Variants in RIGI observed in about 807,000 individuals in gnomAD.
RIGI encodes antiviral innate immune response receptor RIG-I.
At chr9:32,467,669 TGGCTCAGTAAAGAGAAA>T in the RIGI span, 1 of 1,301,124 alleles carries the variant, frequency 7.7e-7, no homozygotes, top group East Asian at 2.4e-5. Flanking sequence ...TACTCAACCA[TGGCTCAGTAAAGAGAAA>T]GGCCAGAATG....
chr9:32,472,548 C>T, the RIGI span, among the ~76,000 whole-genome samples: 1 of 152,204 alleles, frequency 6.6e-6, no homozygotes, highest in African/African-American at 2.4e-5. Context: ...TCCAGGTGGG[C>T]CTGGCCTAAT....
the RIGI span, chr9:32,476,934 T>C: frequency 6.8e-7 from 1 of 1,473,290 alleles, no homozygotes; most frequent in South Asian, 1.2e-5. Context: ...ATCTTTTCAA[T>C]GAATAGTGCT....
At chr9:32,517,442 G>C in the RIGI span, among the ~76,000 whole-genome samples, 1 of 152,130 alleles carries the variant, frequency 6.6e-6, no homozygotes, top group South Asian at 2.1e-4. Context: ...TACCAAATTG[G>C]CTTATAAATA....
chr9:32,456,573 TAA>T, the RIGI span: 4 of 154,718 alleles, frequency 2.6e-5, no homozygotes, highest in Non-Finnish European at 5.7e-5. Context: ...GAGGACTCAA[TAA>T]AAAAAGACTA....
At chr9:32,508,258 T>TTTTTTTTTTTTTTTTTTTTA in the RIGI span, among the ~76,000 whole-genome samples, 1 of 137,996 alleles carries the variant, frequency 7.2e-6, no homozygotes, top group African/African-American at 2.9e-5. Flanking sequence ...TTTTTTTTTT[T>TTTTTTTTTTTTTTTTTTTTA]ACTATATGAA....
the RIGI span, among the ~76,000 whole-genome samples, chr9:32,470,874 C>T: frequency 6.6e-6 from 1 of 152,184 alleles, no homozygotes; most frequent in Non-Finnish European, 1.5e-5. Context: ...TCAAGTTTAA[C>T]CCATTCGATA....
At chr9:32,523,275 C>T in the RIGI span, among the ~76,000 whole-genome samples, 4 of 152,028 alleles carry the variant, frequency 2.6e-5, no homozygotes, top group Non-Finnish European at 5.9e-5. Context: ...ACAATTGCAC[C>T]CACTCTCATT....
the RIGI span, among the ~76,000 whole-genome samples, chr9:32,484,609 C>T: frequency 6.6e-6 from 1 of 152,248 alleles, no homozygotes; most frequent in African/African-American, 2.4e-5. Context: ...AAGCATCTCA[C>T]ATGTGTCTCC....
chr9:32,489,477 C>T, the RIGI span: 1 of 1,453,922 alleles, frequency 6.9e-7, no homozygotes, highest in African/African-American at 1.4e-5. Context: ...AGCAAAATTA[C>T]CAAACAGTTC....
At chr9:32,466,732 T>A in the RIGI span, among the ~76,000 whole-genome samples, 2 of 135,502 alleles carry the variant, frequency 1.5e-5, no homozygotes, top group African/African-American at 5.6e-5. Context: ...CAAATGCAGG[T>A]GTGCACCTGC....
At chr9:32,476,818 C>G in the RIGI span, among the ~76,000 whole-genome samples, 1 of 152,122 alleles carries the variant, frequency 6.6e-6, no homozygotes, top group Admixed American at 6.6e-5. Flanking sequence ...GATGAGGTCT[C>G]ACTATGTTGC....
At chr9:32,516,497 G>C in the RIGI span, among the ~76,000 whole-genome samples, 25 of 152,272 alleles carry the variant, frequency 1.6e-4, no homozygotes, top group East Asian at 4.6e-3. Context: ...ATTTTGGCTG[G>C]AAGTGAGTTT....
At chr9:32,459,864 T>G in the RIGI span, among the ~76,000 whole-genome samples, 1 of 152,222 alleles carries the variant, frequency 6.6e-6, no homozygotes, top group Non-Finnish European at 1.5e-5. Context: ...AGATATACAA[T>G]ATGCGCTGTT....
the RIGI span, chr9:32,457,494 A>G: frequency 6.2e-6 from 7 of 1,134,342 alleles, no homozygotes; most frequent in Non-Finnish European, 2.3e-6. Flanking sequence ...AAAAAAAAAA[A>G]AAAGAAAACC....
chr9:32,515,406 T>A, the RIGI span, among the ~76,000 whole-genome samples: 2 of 152,042 alleles, frequency 1.3e-5, no homozygotes, highest in Non-Finnish European at 2.9e-5. Flanking sequence ...ATCCTACTAA[T>A]GTATTCCCTT....
At chr9:32,465,919 A>G in the RIGI span, among the ~76,000 whole-genome samples, 1 of 152,226 alleles carries the variant, frequency 6.6e-6, no homozygotes, top group South Asian at 2.1e-4. Flanking sequence ...CTATAAAAAG[A>G]CATTCCAATA....
At chr9:32,458,886 T>G in the RIGI span, among the ~76,000 whole-genome samples, 1 of 129,746 alleles carries the variant, frequency 7.7e-6, no homozygotes, top group Non-Finnish European at 1.7e-5. Flanking sequence ...GCATTTAGCA[T>G]GACTTTTTTT....
the RIGI span, among the ~76,000 whole-genome samples, chr9:32,513,737 T>C: frequency 6.6e-6 from 1 of 152,132 alleles, no homozygotes; most frequent in Non-Finnish European, 1.5e-5. Flanking sequence ...TAGAATCTAA[T>C]TAAACTAAAG....
chr9:32,485,250 C>T, the RIGI span: 12 of 1,603,046 alleles, frequency 7.5e-6, no homozygotes, highest in South Asian at 1.1e-5. Flanking sequence ...TTAAATTTGT[C>T]GCTAATCCGT....
Sources: allele counts gnomAD v4.1 joint callset (sites outside exome capture counted in the v4.1 genomes callset), GRCh38; gene constraint gnomAD v4.1.1; transcripts MANE v1.5; gene names NCBI Gene and HGNC (gene_info 2026-07-23, HGNC 2026-07-21).